BABAM2: variants seen among roughly 807,000 people sequenced by gnomAD.
The protein encoded by BABAM2 is BRISC and BRCA1 A complex member 2.
Under a neutral mutation model 54.7 loss-of-function variants are expected in BABAM2, and 31 were observed. That is an observed-to-expected ratio of 0.57 (90% CI 0.43 to 0.77). The LOEUF (loss-of-function observed/expected upper bound fraction) is 0.77, where lower values mean the gene tolerates loss of function less well. Among genes scored for constraint, BABAM2 ranks in the 30% least tolerant of loss-of-function variants. The pLI is 0.00. For synonymous variants in BABAM2, 167 were observed against 162.9 expected (o/e 1.03, Z -0.19); for missense variants, 364 against 455.8 (o/e 0.80, Z 1.83).
chr2:28,278,185 A>G (rs1004440666), intron 10 of BABAM2, among the ~76,000 whole-genome samples: 2 of 152,236 alleles, frequency 1.3e-5, no homozygotes, highest in African/African-American at 4.8e-5. Flanking sequence ...CGTTCAAAAT[A>G]TATCCTATTA....
chr2:27,920,433 A>G (rs1667268993), intron 2 of BABAM2, among the ~76,000 whole-genome samples: 1 of 152,216 alleles, frequency 6.6e-6, no homozygotes, highest in African/African-American at 2.4e-5. Context: ...AACCATGATA[A>G]TTTTTGAAAC....
At chr2:28,033,860 A>G (rs918428919) in intron 5 of BABAM2, among the ~76,000 whole-genome samples, 7 of 152,128 alleles carry the variant, frequency 4.6e-5, no homozygotes, top group Admixed American at 2.0e-4. Flanking sequence ...TATAGTTTAC[A>G]TATAAAAATC....
At chr2:28,297,427 C>T (rs1224966837) in intron 10 of BABAM2, among the ~76,000 whole-genome samples, 1 of 152,150 alleles carries the variant, frequency 6.6e-6, no homozygotes, top group African/African-American at 2.4e-5. Flanking sequence ...GGATAACATT[C>T]ATACACATAT....
rs545122683 is a variant in BABAM2, at chr2:27,978,417, G to C, written c.206-9576G>C. Among the ~76,000 whole-genome samples the C allele has an allele frequency of 6.6e-5, 10 of 152,250 alleles. No homozygotes were observed. In the East Asian group the frequency reaches 1.9e-3, roughly 29 times the overall value. On this transcript the variant is annotated intron_variant, in intron 3 of 11. Coordinates refer to ENST00000379624, the MANE Select transcript of BABAM2 (RefSeq NM_199191.3). ...CTTTTTATAAATTATCCAGTCCTCG[G>C]TTAGTTCTTTATAGTGATGCAAAAA...
At chr2:28,052,190 C>G (rs1678045394) in intron 6 of BABAM2, among the ~76,000 whole-genome samples, 1 of 151,494 alleles carries the variant, frequency 6.6e-6, no homozygotes, top group South Asian at 2.1e-4. Context: ...GGGATGGAAA[C>G]TTGAAGAACT....
intron 7 of BABAM2, among the ~76,000 whole-genome samples, chr2:28,131,821 T>G (rs1376873375): frequency 6.6e-6 from 1 of 152,192 alleles, no homozygotes; most frequent in African/African-American, 2.4e-5. Flanking sequence ...GTGTAACTAA[T>G]GAGTTAAATT....
intron 2 of BABAM2, among the ~76,000 whole-genome samples, chr2:27,919,507 T>A (rs1188572006): frequency 1.3e-5 from 2 of 152,196 alleles, no homozygotes; most frequent in African/African-American, 4.8e-5. Flanking sequence ...TTGATCACAT[T>A]AAGGAAGTTC....
chr2:27,967,580 G>A (rs983178465), intron 3 of BABAM2, among the ~76,000 whole-genome samples: 9 of 152,214 alleles, frequency 5.9e-5, no homozygotes, highest in African/African-American at 1.7e-4. Flanking sequence ...ACTTGAAAAT[G>A]TGGAAGTGAC....
intron 10 of BABAM2, among the ~76,000 whole-genome samples, chr2:28,274,226 ACCT>A (rs999236940): frequency 6.6e-6 from 1 of 151,654 alleles, no homozygotes; most frequent in Non-Finnish European, 1.5e-5. Flanking sequence ...TTTCTCCTTG[ACCT>A]CCTCATCTTT....
At chr2:28,075,157 G>A (rs1664539966) in intron 6 of BABAM2, among the ~76,000 whole-genome samples, 1 of 152,136 alleles carries the variant, frequency 6.6e-6, no homozygotes, top group African/African-American at 2.4e-5. Context: ...AATACCGAGT[G>A]CACCCAATTT....
intron 10 of BABAM2, among the ~76,000 whole-genome samples, chr2:28,269,310 G>A (rs978403054): frequency 6.6e-6 from 1 of 151,954 alleles, no homozygotes; most frequent in African/African-American, 2.4e-5. Flanking sequence ...GGAAGTATTC[G>A]CCTTTGCAGT....
At chr2:28,035,401 A>G (rs962683549) in intron 5 of BABAM2, among the ~76,000 whole-genome samples, 2 of 152,132 alleles carry the variant, frequency 1.3e-5, no homozygotes, top group East Asian at 3.8e-4. Flanking sequence ...CCAGTCAGCC[A>G]TATATAGCAG....
At position 28,325,819 on chromosome 2, in the gene BABAM2, C is replaced by G. The variant is rs147906162; in HGVS notation, c.1089-12631C>G. On this transcript the variant is annotated intron_variant, in intron 11 of 11. Coordinates refer to ENST00000379624, the MANE Select transcript of BABAM2 (RefSeq NM_199191.3). The surrounding 1 kb of genome is among the most constrained non-coding windows in gnomAD (Gnocchi z 4.3). ...GCAGGGGCCTGAGCACCTGTGGAAG[C>G]CATGAGCTCTGGCCTCTGGATGCTG... Among the ~76,000 whole-genome samples the G allele has an allele frequency of 2.2e-4, 34 of 152,342 alleles. No homozygotes were observed. Among genetic ancestry groups the G allele is most frequent in the Non-Finnish European group, 3.1e-4 (21 of 68,042 alleles).
intron 6 of BABAM2, among the ~76,000 whole-genome samples, chr2:28,082,048 T>C (rs115164411): frequency 0.019 from 2,847 of 152,292 alleles, 46 homozygotes; most frequent in Middle Eastern, 0.031. Flanking sequence ...AGGAAACATA[T>C]TGAAACTAAA....
At chr2:28,109,472 G>A (rs1055232091) in intron 6 of BABAM2, among the ~76,000 whole-genome samples, 2 of 152,086 alleles carry the variant, frequency 1.3e-5, no homozygotes, top group African/African-American at 4.8e-5. Flanking sequence ...ACAGGTGTGA[G>A]CCACCGCACC....
chr2:27,955,837 T>C (rs1386353924), intron 3 of BABAM2, among the ~76,000 whole-genome samples: 1 of 152,240 alleles, frequency 6.6e-6, no homozygotes, highest in Non-Finnish European at 1.5e-5. Flanking sequence ...AGCACTTTTT[T>C]TGGACTATTT....
chr2:28,075,603 CT>C (rs1373277589), intron 6 of BABAM2, among the ~76,000 whole-genome samples: 4 of 150,844 alleles, frequency 2.7e-5, no homozygotes, highest in African/African-American at 4.9e-5. Flanking sequence ...TGCAGTGTGT[CT>C]TTTTAGGGGC....
At chr2:28,063,307 A>T (rs1679055380) in intron 6 of BABAM2, among the ~76,000 whole-genome samples, 1 of 152,236 alleles carries the variant, frequency 6.6e-6, no homozygotes, top group Admixed American at 6.5e-5. Flanking sequence ...CCGCATATGC[A>T]ACTTAACATT....
At chr2:28,137,922 G>A (rs1670689596) in intron 7 of BABAM2, among the ~76,000 whole-genome samples, 1 of 152,010 alleles carries the variant, frequency 6.6e-6, no homozygotes, top group Non-Finnish European at 1.5e-5. Context: ...AAAGCTATAA[G>A]ATATACTATA....
Sources: gnomAD v4.1 joint callset for allele counts (sites outside exome capture counted in the v4.1 genomes callset) on GRCh38, gnomAD v4.1.1 for gene constraint, Gnocchi (gnomAD v3.1) non-coding constraint, MANE v1.5 for transcripts, NCBI Gene and HGNC (gene_info 2026-07-23, HGNC 2026-07-21) for gene names.